The following SLC51A variants were observed in gnomAD, a reference collection of about 807,000 sequenced individuals.
SLC51A encodes the protein organic solute transporter subunit alpha.
In SLC51A, 22 loss-of-function variants were observed where a neutral mutation model predicts 34.8. The ratio of observed to expected loss-of-function variants is 0.63; its 90% confidence interval spans 0.45 to 0.90. SLC51A has a LOEUF of 0.90. Ranked by LOEUF, SLC51A falls within the 40% of genes least tolerant of loss-of-function variation. The pLI is 0.00. For missense variants in SLC51A, 371 were observed against 414.8 expected (o/e 0.89, Z 0.92); for synonymous variants, 181 against 176.3 (o/e 1.03, Z -0.21).
chr3:196,228,730 G>T lies in SLC51A; in HGVS notation c.522-79G>T, dbSNP rs1723956565. ...TGACAGCAGCCGAGCCTCAGCCCAG[G>T]AGCCCTGTGAGGAGCCGGGGCGTCT... On this transcript the variant is annotated intron_variant, in intron 5 of 8. Transcript: ENST00000296327. The surrounding 1 kb of genome is among the most constrained non-coding windows in gnomAD (Gnocchi z 4.9). 4 of 1,198,544 alleles carry T rather than the reference G, an allele frequency of 3.3e-6. No individual in the cohort carries two copies. Among genetic ancestry groups the T allele is most frequent in the Non-Finnish European group, 3.7e-6 (3 of 803,420 alleles). 74.2% of individuals were successfully genotyped at this position (1,198,544 alleles called of 1,614,324 possible). A position where few individuals can be genotyped will look rare whatever the true frequency, so the allele number is the denominator to read the frequency against.
In SLC51A at chr3:196,222,090, T is replaced by C. The variant is rs950285030; in HGVS notation, c.133+4154T>C. Among the ~76,000 whole-genome samples the C allele has an allele frequency of 3.0e-4, 46 of 152,310 alleles. 1 individual carries two copies. Among genetic ancestry groups the C allele is most frequent in the African/African-American group, 1.1e-3 (44 of 41,574 alleles). ...GTGCTCCTAAGCTACTGGAAGCAAA[T>C]ATGCAAGCATGGAAATAATTTTTGG... On this transcript the variant is annotated intron_variant, in intron 2 of 8. Coordinates refer to ENST00000296327, the MANE Select transcript of SLC51A (RefSeq NM_152672.6).
Position 196,228,918 on chromosome 3 carries a change from G to A in SLC51A, c.631G>A (p.Asp211Asn). Residue 211 changes from aspartate (D) to asparagine (N), a missense_variant and splice_region_variant, in exon 6 of 9, where the codon GAC becomes AAC. By Grantham distance (23) the Asp-to-Asn change is conservative. Coordinates refer to ENST00000296327, the MANE Select transcript of SLC51A (RefSeq NM_152672.6). The surrounding 1 kb of genome is among the most constrained non-coding windows in gnomAD (Gnocchi z 4.9). ...LVPDGIYDPA[D>N]ISEGSTALWI... The stretch of plus-strand genomic sequence containing the variant: ...CCCCGACGGCATCTATGACCCAGCA[G>A]ACGTAAGCCGGGAGTAAGGGACAGC... 6.2e-7 allele frequency: 1 copy of A among 1,612,284 alleles called. No homozygotes were observed. The highest frequency in any genetic ancestry group is 1.1e-5 in the South Asian group (1 of 91,042).
chr3:196,218,357 C>T (rs1275660448), intron 2 of SLC51A, among the ~76,000 whole-genome samples: 6 of 152,216 alleles, frequency 3.9e-5, no homozygotes, highest in Non-Finnish European at 7.3e-5. Context: ...CGGTGAGTGA[C>T]GTGCTTCACA....
intron 2 of SLC51A, among the ~76,000 whole-genome samples, chr3:196,220,565 C>G (rs1468781569): frequency 6.6e-6 from 1 of 152,130 alleles, no homozygotes; most frequent in African/African-American, 2.4e-5. Flanking sequence ...CCATTGCACT[C>G]CAGCCTGGGT....
intron 6 of SLC51A, among the ~76,000 whole-genome samples, 192 bp downstream of exon 6, chr3:196,229,112 C>A (rs1479806248): frequency 6.6e-6 from 1 of 152,178 alleles, no homozygotes; most frequent in Non-Finnish European, 1.5e-5. Context: ...ATTACCGTTC[C>A]TGCCGTGGGA....
At chr3:196,226,796 GAAA>G in intron 2 of SLC51A, among the ~76,000 whole-genome samples, 166 bp from the exon 3 acceptor site, 1 of 111,794 alleles carries the variant, frequency 8.9e-6, no homozygotes, top group African/African-American at 2.9e-5. Flanking sequence ...AAAAGAAAAA[GAAA>G]AAAAAAAGAC....
chr3:196,223,309 G>A (rs964074840), intron 2 of SLC51A, among the ~76,000 whole-genome samples: 8 of 152,048 alleles, frequency 5.3e-5, no homozygotes, highest in African/African-American at 1.9e-4. Flanking sequence ...TCCTCCGGGC[G>A]TTTGAGAACA....
At chr3:196,230,478 A>G (rs966220033) in intron 7 of SLC51A, among the ~76,000 whole-genome samples, 6 of 146,904 alleles carry the variant, frequency 4.1e-5, no homozygotes, top group Non-Finnish European at 9.0e-5. Flanking sequence ...TTATCTCGTT[A>G]TATTCTCCCC....
chr3:196,227,631 C>T (rs746411519), intron 3 of SLC51A, 33 bp from the exon 4 acceptor site: 3 of 1,607,546 alleles, frequency 1.9e-6, no homozygotes, highest in African/African-American at 1.3e-5. Context: ...GGTCTCCCTC[C>T]CGCCCTCACC....
At chr3:196,218,041 G>A in intron 2 of SLC51A, 105 bp downstream of exon 2, 1 of 984,542 alleles carries the variant, frequency 1.0e-6, no homozygotes, top group Admixed American at 2.0e-5. Flanking sequence ...GGCAGCCGGG[G>A]AGAATAACTG....
In SLC51A at chr3:196,228,772, T is replaced by C; in HGVS notation, c.522-37T>C. 2 of 1,579,070 alleles carry C rather than the reference T, an allele frequency of 1.3e-6. No homozygotes were observed. The highest frequency in any genetic ancestry group is 1.8e-4 in the Middle Eastern group (1 of 5,662). On this transcript the variant is annotated intron_variant, in intron 5 of 8. Coordinates refer to ENST00000296327, the MANE Select transcript of SLC51A (RefSeq NM_152672.6). This position sits in a 1 kb window ranked among gnomAD's most constrained non-coding sequence, Gnocchi z 4.9. ...GGGGCGTCTTCCTGGGGCAGGGGGT[T>C]TGTGGGCCCATGTTCCTAACCCTCT...
At chr3:196,224,520 G>A (rs73083250) in intron 2 of SLC51A, among the ~76,000 whole-genome samples, 37,510 of 151,092 alleles carry the variant, frequency 0.25, 4,995 homozygotes, top group East Asian at 0.49. Flanking sequence ...GGCGAAAACC[G>A]TCTCTACTAG....
In SLC51A at chr3:196,217,906, C is replaced by T. The variant is rs1723638837; in HGVS notation, c.103C>T (p.Gln35Ter). Residue 35 changes from glutamine to a stop codon, truncating the protein, a stop_gained, in exon 2 of 9, where the codon CAG (glutamine) becomes TAG (stop). Transcript: ENST00000296327. LOFTEE classifies it high-confidence loss of function. ...NYGIPSACFS[Q>*]PPTAAQLLRA... ...CGGCATCCCCTCCGCCTGCTTCTCT[C>T]AGCCTCCCACAGCAGCCCAACTCCT... 19 of 1,613,188 alleles carry T rather than the reference C, an allele frequency of 1.2e-5. No individual in the cohort carries two copies. Among genetic ancestry groups the T allele is most frequent in the Non-Finnish European group, 1.6e-5 (19 of 1,179,690 alleles).
chr3:196,232,501 A>C lies in SLC51A; in HGVS notation c.863A>C (p.Tyr288Ser), dbSNP rs778013432. ...NGGQIACSPP[Y>S]SSKTRSQVMN... ...GGGCAGATTGCTTGTTCGCCTCCCT[A>C]TTCCTCTAAAACCAGGTCTCAAGGT... is the stretch of plus-strand genomic sequence containing the variant. Residue 288 changes from tyrosine (Y) to serine (S), a missense_variant, in exon 8 of 9, where the codon TAT becomes TCT. Tyr to Ser is a moderately radical substitution (Grantham distance 144, BLOSUM62 -2). Coordinates refer to ENST00000296327, the MANE Select transcript of SLC51A (RefSeq NM_152672.6). 6.2e-7 allele frequency: 1 copy of C among 1,613,958 alleles called. No individual in the cohort carries two copies. The highest frequency in any genetic ancestry group is 2.2e-5 in the East Asian group (1 of 44,876).
rs1287982668 is a variant in SLC51A at position 196,233,134 on chromosome 3, A to AAAG, written c.960_962dup (p.Lys320_Asp321insGlu). 1 of 1,614,128 alleles carries AAAG rather than the reference A, an allele frequency of 6.2e-7. No homozygotes were observed. Among genetic ancestry groups the AAAG allele is most frequent in the Admixed American group, 1.7e-5 (1 of 60,008 alleles). Reference sequence around the variant, plus strand: ...GCTGACACGAATGTACTACCGAAGGAAAGACCACAAGGTTGGGTATGAAAC... The same window carrying AAAG: ...GCTGACACGAATGTACTACCGAAGGAAAGAAGACCACAAGGTTGGGTATGAAAC... On this transcript the variant is annotated inframe_insertion, in exon 9 of 9. Coordinates refer to ENST00000296327, the MANE Select transcript of SLC51A (RefSeq NM_152672.6).
chr3:196,220,076 G>A (rs150808995), intron 2 of SLC51A, among the ~76,000 whole-genome samples: 36 of 152,246 alleles, frequency 2.4e-4, no homozygotes, highest in Non-Finnish European at 4.4e-4. Context: ...CCAGGGGAGC[G>A]AGGTCTGGCA....
At chr3:196,222,168 G>A (rs891915592) in intron 2 of SLC51A, among the ~76,000 whole-genome samples, 1 of 152,176 alleles carries the variant, frequency 6.6e-6, no homozygotes, top group Non-Finnish European at 1.5e-5. Context: ...CTTATTTAAT[G>A]TTCCTGTTTT....
chr3:196,219,388 T>C (rs1250286522), intron 2 of SLC51A, among the ~76,000 whole-genome samples: 1 of 152,228 alleles, frequency 6.6e-6, no homozygotes, highest in Non-Finnish European at 1.5e-5. Flanking sequence ...TCCTGCTGCA[T>C]ACTGACTACC....
At chr3:196,232,834 A>G (rs890888228) in intron 8 of SLC51A, 5 of 592,502 alleles carry the variant, frequency 8.4e-6, no homozygotes, top group South Asian at 4.1e-5. Flanking sequence ...TTGAACACAC[A>G]TAAGAAATGG....
Sources: allele counts gnomAD v4.1 joint callset (sites outside exome capture counted in the v4.1 genomes callset), GRCh38; gene constraint gnomAD v4.1.1; non-coding constraint Gnocchi (gnomAD v3.1); transcripts MANE v1.5; gene names NCBI Gene and HGNC (gene_info 2026-07-23, HGNC 2026-07-21).